Variants in CPNE4 observed in about 807,000 individuals in gnomAD.
The protein encoded by CPNE4 is copine 4, also known as copine-4.
Under a neutral mutation model 67.9 loss-of-function variants are expected in CPNE4, and 25 were observed. That is an observed-to-expected ratio of 0.37 (90% CI 0.27 to 0.51). The LOEUF (loss-of-function observed/expected upper bound fraction) is 0.51, where lower values mean the gene tolerates loss of function less well. Among genes scored for constraint, CPNE4 ranks in the 20% least tolerant of loss-of-function variants. CPNE4 has a pLI of 0.93. For missense variants in CPNE4, 464 were observed against 690.8 expected (o/e 0.67, Z 3.68); for synonymous variants, 242 against 244.9 (o/e 0.99, Z 0.11).
intron 11 of CPNE4, among the ~76,000 whole-genome samples, chr3:131,563,569 T>C (rs922010371): frequency 6.6e-6 from 1 of 152,052 alleles, no homozygotes; most frequent in Non-Finnish European, 1.5e-5. Flanking sequence ...TCTATATACA[T>C]ACATGCAAAC....
Position 131,877,004 on chromosome 3 carries a change from C to CT in CPNE4, c.180+28259dup, listed in dbSNP as rs796325632. On this transcript the variant is annotated intron_variant, in intron 2 of 15. Coordinates refer to ENST00000429747, the MANE Select transcript of CPNE4 (RefSeq NM_130808.3). ...CTAACAATCTACAGCAAATAATGTA[C>CT]TTTTTTTTTTTTCTTGACACCAAAC... Among the ~76,000 whole-genome samples the CT allele has an allele frequency of 7.5e-3, 1,104 of 146,580 alleles. 7 individuals carry two copies. Among genetic ancestry groups the CT allele is most frequent in the Non-Finnish European group, 0.011 (696 of 66,206 alleles).
At chr3:131,893,925 A>C (rs780197674) in intron 2 of CPNE4, among the ~76,000 whole-genome samples, 1 of 151,850 alleles carries the variant, frequency 6.6e-6, no homozygotes, top group Admixed American at 6.6e-5. Flanking sequence ...GAACAAACTA[A>C]AGGCAAAATT....
chr3:131,659,810 C>T (rs1393692394), intron 7 of CPNE4, among the ~76,000 whole-genome samples: 1 of 152,114 alleles, frequency 6.6e-6, no homozygotes, highest in African/African-American at 2.4e-5. Flanking sequence ...ATACCCTCAT[C>T]CCAGATTGCT....
intron 2 of CPNE4, among the ~76,000 whole-genome samples, chr3:131,855,443 G>A (rs2086403075): frequency 6.6e-6 from 1 of 151,964 alleles, no homozygotes. Context: ...CTCTTGACTT[G>A]CCAATAATTG....
chr3:131,640,304 G>A (rs2079507713), intron 7 of CPNE4, among the ~76,000 whole-genome samples: 1 of 152,024 alleles, frequency 6.6e-6, no homozygotes, highest in African/African-American at 2.4e-5. Flanking sequence ...AAATGAATTT[G>A]GCAAAGTTTC....
intron 1 of CPNE4, among the ~76,000 whole-genome samples, chr3:131,986,938 C>A (rs9880699): frequency 0.46 from 70,113 of 151,136 alleles, 17,001 homozygotes; most frequent in South Asian, 0.55. Context: ...ATATTACAAT[C>A]CCCTAAGAAT....
chr3:131,780,966 G>A (rs959731103), intron 2 of CPNE4, among the ~76,000 whole-genome samples: 4 of 152,050 alleles, frequency 2.6e-5, no homozygotes, highest in Admixed American at 2.0e-4. Flanking sequence ...CTGGACAGGA[G>A]GACAGTGAAG....
intron 1 of CPNE4, among the ~76,000 whole-genome samples, chr3:131,961,683 C>G (rs764110398): frequency 1.1e-4 from 16 of 152,150 alleles, no homozygotes; most frequent in Non-Finnish European, 1.6e-4. Context: ...AAGATCCACA[C>G]CTAGAGGACT....
intron 1 of CPNE4, among the ~76,000 whole-genome samples, chr3:131,964,732 C>A (rs1464640745): frequency 2.6e-5 from 4 of 151,938 alleles, no homozygotes; most frequent in African/African-American, 9.7e-5. Context: ...TGTGAAAAAA[C>A]CAAACCTACA....
At chr3:131,559,913 T>A (rs1452942454) in intron 11 of CPNE4, among the ~76,000 whole-genome samples, 1 of 152,108 alleles carries the variant, frequency 6.6e-6, no homozygotes, top group East Asian at 1.9e-4. Context: ...ATTAGAATTT[T>A]CATTCTTTAT....
At chr3:131,830,887 A>G (rs2085342983) in intron 2 of CPNE4, among the ~76,000 whole-genome samples, 1 of 152,154 alleles carries the variant, frequency 6.6e-6, no homozygotes, top group African/African-American at 2.4e-5. Context: ...AAGGTACCAG[A>G]TAAAAGGTAA....
chr3:131,798,202 A>G (rs1168667694), intron 2 of CPNE4, among the ~76,000 whole-genome samples: 1 of 152,168 alleles, frequency 6.6e-6, no homozygotes, highest in Non-Finnish European at 1.5e-5. Flanking sequence ...CATTCAGTCT[A>G]TAACACCCAC....
At chr3:131,942,710 T>C (rs2071436550) in intron 1 of CPNE4, among the ~76,000 whole-genome samples, 1 of 152,080 alleles carries the variant, frequency 6.6e-6, no homozygotes, top group African/African-American at 2.4e-5. Context: ...AAGGACTTAT[T>C]TGAGTAAACT....
At chr3:131,753,351 GTA>G (rs2082676485) in intron 2 of CPNE4, among the ~76,000 whole-genome samples, 1 of 151,978 alleles carries the variant, frequency 6.6e-6, no homozygotes, top group South Asian at 2.1e-4. Flanking sequence ...AACTACACAT[GTA>G]TATGTTAGGG....
chr3:131,711,537 C>T (rs987122835), intron 3 of CPNE4, among the ~76,000 whole-genome samples: 1 of 152,152 alleles, frequency 6.6e-6, no homozygotes, highest in African/African-American at 2.4e-5. Context: ...TCAGCCCACC[C>T]TGGGCTTACC....
chr3:131,599,005 T>G (rs1284476735), intron 7 of CPNE4, among the ~76,000 whole-genome samples: 2 of 152,216 alleles, frequency 1.3e-5, no homozygotes, highest in African/African-American at 4.8e-5. Context: ...CCACTCAGTC[T>G]AGACCAGTCT....
At chr3:131,542,816 GA>G (rs1267268828) in intron 14 of CPNE4, 23 bp from the exon 15 acceptor site, 2 of 1,364,928 alleles carry the variant, frequency 1.5e-6, no homozygotes, top group South Asian at 1.2e-5. Context: ...GCCCCATGAT[GA>G]TGGGGGGGGG....
intron 7 of CPNE4, among the ~76,000 whole-genome samples, chr3:131,592,128 C>T (rs930723670): frequency 1.3e-5 from 2 of 152,208 alleles, no homozygotes; most frequent in Non-Finnish European, 2.9e-5. Flanking sequence ...GGACTAAAAT[C>T]TGGTTTTCGT....
intron 9 of CPNE4, among the ~76,000 whole-genome samples, chr3:131,578,003 G>A (rs1937592737): frequency 6.6e-6 from 1 of 152,054 alleles, no homozygotes; most frequent in South Asian, 2.1e-4. Flanking sequence ...TATAAGTTGA[G>A]TCATCGTAAA....
Sources: allele counts gnomAD v4.1 joint callset (sites outside exome capture counted in the v4.1 genomes callset), GRCh38; gene constraint gnomAD v4.1.1; transcripts MANE v1.5; gene names NCBI Gene and HGNC (gene_info 2026-07-23, HGNC 2026-07-21).